The following COPG2 variants were observed in gnomAD, a reference collection of about 807,000 sequenced individuals.
The protein encoded by COPG2 is coat protein complex I subunit gamma 2.
In COPG2, 37 loss-of-function variants were observed where a neutral mutation model predicts 46.3. The ratio of observed to expected loss-of-function variants is 0.80; its 90% CI spans 0.61 to 1.05. The LOEUF is 1.05. Among genes scored for constraint, COPG2 ranks in the 50% least tolerant of loss-of-function variants. The pLI is 0.00. For synonymous variants in COPG2, 159 were observed against 129.7 expected, an observed-to-expected ratio of 1.23 and a Z score of -1.53; for missense variants, 427 against 387.8, an observed-to-expected ratio of 1.10 and a Z score of -0.85.
intron 4 of COPG2, among the ~76,000 whole-genome samples, chr7:130,661,579 T>C (rs1554460763): frequency 6.6e-6 from 1 of 152,296 alleles, no homozygotes; most frequent in South Asian, 2.1e-4. Context: ...TCTGATTTGA[T>C]TGAAGGTATT....
chr7:130,577,780 AAAAAAAAAC>A (rs1794037135), intron 9 of COPG2, among the ~76,000 whole-genome samples: 3 of 150,906 alleles, frequency 2.0e-5, no homozygotes, highest in Admixed American at 6.6e-5. Flanking sequence ...AAAAAAAAAA[AAAAAAAAAC>A]AAAAAAAAAA....
chr7:130,523,242 G>A (rs1799740871), intron 20 of COPG2, among the ~76,000 whole-genome samples: 1 of 151,956 alleles, frequency 6.6e-6, no homozygotes, highest in African/African-American at 2.4e-5. Context: ...GTGGGGGGTG[G>A]GTTTCACCCG....
At chr7:130,582,110 C>T (rs1388508093) in intron 9 of COPG2, among the ~76,000 whole-genome samples, 4 of 149,078 alleles carry the variant, frequency 2.7e-5, no homozygotes, top group Admixed American at 2.0e-4. Context: ...TACAAGGCTA[C>T]AGTAACCAAA....
chr7:130,645,068 C>CAAAAAAAAAAAAAA (rs59544911), intron 5 of COPG2, among the ~76,000 whole-genome samples: 1 of 113,458 alleles, frequency 8.8e-6, no homozygotes. Flanking sequence ...ATCCCAAAAA[C>CAAAAAAAAAAAAAA]AAAAAAAAAA....
At chr7:130,539,235 A>G (rs1584966965) in intron 20 of COPG2, among the ~76,000 whole-genome samples, 1 of 152,058 alleles carries the variant, frequency 6.6e-6, no homozygotes, top group African/African-American at 2.4e-5. Flanking sequence ...GCTCACTGGG[A>G]CCCTATCCAA....
At chr7:130,620,215 T>C (rs1554453426) in intron 5 of COPG2, among the ~76,000 whole-genome samples, 1 of 152,148 alleles carries the variant, frequency 6.6e-6, no homozygotes, top group African/African-American at 2.4e-5. Context: ...TAGTTCAGCA[T>C]TTCAATGAGT....
intron 20 of COPG2, among the ~76,000 whole-genome samples, chr7:130,513,357 G>GTA (rs1563034153): frequency 1.7e-4 from 7 of 42,070 alleles, no homozygotes; most frequent in African/African-American, 3.7e-4. Context: ...GTGTGTGTGT[G>GTA]TGTATATATA....
At chr7:130,562,383 C>T (rs1271887614) in intron 11 of COPG2, among the ~76,000 whole-genome samples, 1 of 152,032 alleles carries the variant, frequency 6.6e-6, no homozygotes, top group African/African-American at 2.4e-5. Flanking sequence ...AAATAAAAAA[C>T]CATTTAAATT....
chr7:130,621,211 G>A (rs540964369), intron 5 of COPG2, among the ~76,000 whole-genome samples: 110 of 152,314 alleles, frequency 7.2e-4, no homozygotes, highest in Non-Finnish European at 1.2e-3. Context: ...AGAGCCTGCA[G>A]AAGGAACCTG....
chr7:130,544,691 C>T (rs1793400870), intron 20 of COPG2, among the ~76,000 whole-genome samples: 2 of 151,934 alleles, frequency 1.3e-5, no homozygotes, highest in Non-Finnish European at 1.5e-5. Flanking sequence ...TATATTGTTA[C>T]GGGTGCAATA....
chr7:130,542,383 A>G (rs1793347223), intron 20 of COPG2, among the ~76,000 whole-genome samples: 1 of 152,160 alleles, frequency 6.6e-6, no homozygotes, highest in Admixed American at 6.5e-5. Flanking sequence ...CAGAGGACAC[A>G]ACAGAGAGAG....
chr7:130,527,478 G>A (rs1799785136), intron 20 of COPG2, among the ~76,000 whole-genome samples: 1 of 150,634 alleles, frequency 6.6e-6, no homozygotes. Context: ...GGTTTCACCC[G>A]AGGGAGGGCT....
intron 20 of COPG2, among the ~76,000 whole-genome samples, chr7:130,540,980 G>C (rs1799929328): frequency 1.3e-5 from 2 of 152,176 alleles, no homozygotes; most frequent in South Asian, 4.1e-4. Flanking sequence ...AGATGCTTCT[G>C]ATAGGCCGCC....
intron 5 of COPG2, among the ~76,000 whole-genome samples, chr7:130,622,605 G>A (rs146252373): frequency 6.9e-4 from 105 of 152,272 alleles, no homozygotes; most frequent in African/African-American, 2.4e-3. Context: ...AATAAAGGAA[G>A]GTGAGTGGAA....
intron 5 of COPG2, among the ~76,000 whole-genome samples, chr7:130,625,896 T>C (rs1795112198): frequency 6.6e-6 from 1 of 152,202 alleles, no homozygotes; most frequent in Non-Finnish European, 1.5e-5. Flanking sequence ...TCCTTCCTTT[T>C]CATTGATAAA....
chr7:130,604,817 G>T, intron 9 of COPG2: 1 of 475,224 alleles, frequency 2.1e-6, no homozygotes. Context: ...TTTTTGTACT[G>T]TTGTCAGAAT....
intron 9 of COPG2, among the ~76,000 whole-genome samples, chr7:130,585,489 G>A (rs1335189661): frequency 6.6e-6 from 1 of 152,062 alleles, no homozygotes; most frequent in Non-Finnish European, 1.5e-5. Context: ...AAACTAAAGA[G>A]CTTTTGCACG....
intron 9 of COPG2, among the ~76,000 whole-genome samples, chr7:130,572,778 T>C (rs1793931951): frequency 6.6e-6 from 1 of 151,860 alleles, no homozygotes; most frequent in Non-Finnish European, 1.5e-5. Flanking sequence ...CTCAAATCAA[T>C]AACCTAGGCT....
At chr7:130,665,675 T>TAC (rs1481019054) in intron 3 of COPG2, among the ~76,000 whole-genome samples, 1 of 152,138 alleles carries the variant, frequency 6.6e-6, no homozygotes, top group African/African-American at 2.4e-5. Context: ...ATGCAAATAC[T>TAC]ACACCATTTG....
Sources: allele counts gnomAD v4.1 joint callset (sites outside exome capture counted in the v4.1 genomes callset), GRCh38; gene constraint gnomAD v4.1.1; transcripts MANE v1.5; gene names NCBI Gene and HGNC (gene_info 2026-07-23, HGNC 2026-07-21).